Variants in PIK3R1 observed in about 807,000 individuals in gnomAD.
PIK3R1 encodes the protein phosphoinositide-3-kinase regulatory subunit 1, also known as phosphatidylinositol 3-kinase regulatory subunit alpha.
A neutral mutation model predicts 98.0 loss-of-function variants in PIK3R1; 29 were observed. The observed-to-expected ratio is 0.30, with a 90% CI of 0.22 to 0.40. The LOEUF (loss-of-function observed/expected upper bound fraction) is 0.40, where lower values mean the gene tolerates loss of function less well. Ranked by LOEUF, PIK3R1 falls within the 10% of genes least tolerant of loss-of-function variation. PIK3R1 has a pLI of 1.00. For missense variants in PIK3R1, 596 were observed against 872.7 expected, an observed-to-expected ratio of 0.68 and a Z score of 3.99; for synonymous variants, 282 against 311.8, an observed-to-expected ratio of 0.90 and a Z score of 1.01.
At chr5:68,278,096 C>A (rs1043440613) in intron 4 of PIK3R1, among the ~76,000 whole-genome samples, 1 of 152,012 alleles carries the variant, frequency 6.6e-6, no homozygotes, top group African/African-American at 2.4e-5. Flanking sequence ...TCCCTTTCTT[C>A]TGCTGGGCAT....
At chr5:68,263,226 T>C (rs1745977954) in intron 2 of PIK3R1, among the ~76,000 whole-genome samples, 1 of 139,448 alleles carries the variant, frequency 7.2e-6, no homozygotes, top group Non-Finnish European at 1.6e-5. Flanking sequence ...TCTACATATA[T>C]ATCTATATAT....
rs3730082 is a variant in PIK3R1 at position 68,274,310 on chromosome 5, G to A, written c.502+297G>A. On this transcript the variant is annotated intron_variant, in intron 4 of 15. Transcript: ENST00000521381. Reference sequence around the variant, plus strand: ...GAAACCACCTCTTGGTGTTTCTCTCGCTCTGTGTATCTACCATCTTTCCTT... The same window carrying A: ...GAAACCACCTCTTGGTGTTTCTCTCACTCTGTGTATCTACCATCTTTCCTT... 0.27 allele frequency among the ~76,000 whole-genome samples: 41,183 copies of A among 151,918 alleles called. 6,872 individuals are homozygous for A. Among genetic ancestry groups the A allele is most frequent in the African/African-American group, 0.48 (19,752 of 41,400 alleles).
intron 4 of PIK3R1, among the ~76,000 whole-genome samples, chr5:68,278,316 T>C (rs963080150): frequency 6.6e-6 from 1 of 152,142 alleles, no homozygotes; most frequent in African/African-American, 2.4e-5. Context: ...GGGAGAAACA[T>C]TCTAAAAATG....
intron 2 of PIK3R1, among the ~76,000 whole-genome samples, chr5:68,262,671 A>G (rs1316341922): frequency 7.7e-6 from 1 of 130,228 alleles, no homozygotes; most frequent in Non-Finnish European, 1.6e-5. Context: ...ATACACATGT[A>G]GATACATGTA....
intron 2 of PIK3R1, among the ~76,000 whole-genome samples, chr5:68,243,437 G>A (rs982874160): frequency 3.3e-5 from 5 of 152,142 alleles, no homozygotes; most frequent in African/African-American, 1.2e-4. Flanking sequence ...ATTCAGCCCT[G>A]GGAAGAACCA....
chr5:68,279,325 G>T lies in PIK3R1; in HGVS notation c.503-277G>T, dbSNP rs148310833. 2.4e-4 allele frequency among the ~76,000 whole-genome samples: 37 copies of T among 152,204 alleles called. No individual in the cohort carries two copies. In the East Asian group the frequency reaches 6.2e-3, roughly 25 times the overall value. On this transcript the variant is annotated intron_variant, in intron 4 of 15. Transcript: ENST00000521381. ...TTTTTTGTTGCCCCAAAGTGTGGAG[G>T]TCTGCTACTGGCATCATGGGCAGGG...
chr5:68,300,780 CTTTGT>C lies in PIK3R1; in HGVS notation c.*3185_*3189del, dbSNP rs1352986430. On this transcript the variant is annotated 3_prime_UTR_variant, in exon 16 of 16. Coordinates refer to ENST00000521381, the MANE Select transcript of PIK3R1 (RefSeq NM_181523.3). ...TATGGGATTTTTCCCTTTGAGGTTG[CTTTGT>C]TTTGTCTTACAAAGGTGAAAATTGT... 2.6e-5 allele frequency: 6 copies of C among 233,068 alleles called. No individual in the cohort carries two copies. Among genetic ancestry groups the C allele is most frequent in the African/African-American group, 6.6e-5 (3 of 45,316 alleles). The allele number at this position is 233,068 out of a possible 1,614,324, so 14.4% of individuals were successfully genotyped here.
rs1303044038 is a variant in PIK3R1, at chr5:68,282,676, AC to A, written c.916+1673del. 2.6e-5 allele frequency among the ~76,000 whole-genome samples: 4 copies of A among 152,154 alleles called. No homozygotes were observed. In the East Asian group the frequency reaches 7.7e-4, roughly 29 times the overall value. On this transcript the variant is annotated intron_variant, in intron 7 of 15. Coordinates refer to ENST00000521381, the MANE Select transcript of PIK3R1 (RefSeq NM_181523.3). ...GTATCTGCACTATTTTCATAATGCC[AC>A]CCGGAAAGCTGTTTGATATGTCAAA...
intron 1 of PIK3R1, among the ~76,000 whole-genome samples, chr5:68,225,528 C>T (rs1042772826): frequency 2.0e-5 from 3 of 152,194 alleles, no homozygotes; most frequent in Admixed American, 1.3e-4. Context: ...TTTGCCACAT[C>T]CCACATGTTC....
chr5:68,227,135 G>A (rs1403006930), intron 2 of PIK3R1, 126 bp downstream of exon 2: 1 of 761,064 alleles, frequency 1.3e-6, no homozygotes, highest in Non-Finnish European at 2.1e-6. Flanking sequence ...CTGAATTGAT[G>A]TGTGGTGCAT....
rs1315720095 is a variant in PIK3R1 at position 68,226,523 on chromosome 5, CCTCTT to C, written c.-152_-148del. 1 of 626,114 alleles carries C rather than the reference CCTCTT, an allele frequency of 1.6e-6. No individual in the cohort carries two copies. Among genetic ancestry groups the C allele is most frequent in the Non-Finnish European group, 2.8e-6 (1 of 363,070 alleles). The allele number at this position is 626,114 out of a possible 1,614,324, so 38.8% of individuals were successfully genotyped here. A position where few individuals can be genotyped will look rare whatever the true frequency, so the allele number is the denominator to read the frequency against. The stretch of plus-strand genomic sequence containing the variant: ...GACAGCCGTATGGCCAGTCACCTCT[CCTCTT>C]AAACCTTTGGAGAGTGGTCCTTTGT... On this transcript the variant is annotated 5_prime_UTR_variant, in exon 2 of 16. An upstream open reading frame in the 5' UTR loses its in-frame stop. Transcript: ENST00000521381.
chr5:68,292,796 T>A (rs1747464634), intron 8 of PIK3R1: 1 of 1,240,568 alleles, frequency 8.1e-7, no homozygotes, highest in East Asian at 3.4e-5. Context: ...TAATGTTTGG[T>A]TGAAAAAATA....
At position 68,294,884 on chromosome 5, in the gene PIK3R1, G is replaced by A. The variant is rs912752842; in HGVS notation, c.1568+206G>A. Among the ~76,000 whole-genome samples the A allele has an allele frequency of 4.6e-5, 7 of 151,558 alleles. No individual in the cohort carries two copies. The East Asian group carries it at 1.4e-3, about 29-fold the overall frequency. ...TAGATGACGAGTTAGTGGGTGCGGC[G>A]CACCAGCATGGCACATGTATACATA... is the stretch of plus-strand genomic sequence containing the variant. On this transcript the variant is annotated intron_variant, in intron 12 of 15. Transcript: ENST00000521381.
At chr5:68,280,430 G>A (rs2112193134) in intron 5 of PIK3R1, 98 bp from the exon 6 acceptor site, 1 of 825,974 alleles carries the variant, frequency 1.2e-6, no homozygotes, top group South Asian at 1.6e-5. Context: ...GACTCCTATA[G>A]CTTGAAGAAA....
In PIK3R1 at chr5:68,295,322, G is replaced by A. The variant is rs2112277305; in HGVS notation, c.1743G>A (p.Leu581=). 1 of 1,612,730 alleles carries A rather than the reference G, an allele frequency of 6.2e-7. No individual in the cohort carries two copies. Among genetic ancestry groups the A allele is most frequent in the Non-Finnish European group, 8.5e-7 (1 of 1,178,742 alleles). The stretch of plus-strand genomic sequence containing the variant: ...TGAGAAAGACGAGAGACCAATACTT[G>A]ATGTAAGTATTTGAAATGGAATCCT... ...IQLRKTRDQY[L]MWLTQKGVRQ... is the part of the protein sequence containing the mutation. Residue 581 remains leucine, a splice_region_variant and synonymous_variant, in exon 13 of 16, where the codon TTG becomes TTA. Transcript: ENST00000521381.
intron 2 of PIK3R1, among the ~76,000 whole-genome samples, chr5:68,227,313 T>C (rs1008631779): frequency 3.3e-5 from 5 of 152,204 alleles, no homozygotes; most frequent in African/African-American, 1.2e-4. Flanking sequence ...ATTTTTGTAA[T>C]TGGCATTATA....
At chr5:68,275,501 A>G (rs778852180) in intron 4 of PIK3R1, among the ~76,000 whole-genome samples, 12 of 150,402 alleles carry the variant, frequency 8.0e-5, no homozygotes, top group Non-Finnish European at 1.6e-4. Flanking sequence ...TCAACACAAA[A>G]TGATGCAGTT....
chr5:68,278,274 C>T (rs1746665532), intron 4 of PIK3R1, among the ~76,000 whole-genome samples: 1 of 152,092 alleles, frequency 6.6e-6, no homozygotes, highest in African/African-American at 2.4e-5. Flanking sequence ...CTGATATCCA[C>T]AGGTTAGATT....
At chr5:68,242,210 T>C (rs1744895701) in intron 2 of PIK3R1, among the ~76,000 whole-genome samples, 1 of 152,204 alleles carries the variant, frequency 6.6e-6, no homozygotes, top group African/African-American at 2.4e-5. Context: ...TGTGTTTTAA[T>C]TGATGGGTTA....
Sources: gnomAD v4.1 joint callset for allele counts (sites outside exome capture counted in the v4.1 genomes callset) on GRCh38, gnomAD v4.1.1 for gene constraint, MANE v1.5 for transcripts, NCBI Gene and HGNC (gene_info 2026-07-23, HGNC 2026-07-21) for gene names.